The following KLHL13 variants were observed in gnomAD, a reference collection of about 807,000 sequenced individuals.
KLHL13 encodes kelch like family member 13, also known as kelch-like protein 13.
In KLHL13, 10 loss-of-function variants were observed where a neutral mutation model predicts 37.1. The ratio of observed to expected loss-of-function variants is 0.27; its 90% CI spans 0.17 to 0.46. The LOEUF (loss-of-function observed/expected upper bound fraction) is 0.46, where lower values mean the gene tolerates loss of function less well. KLHL13 is among the 20% of genes least tolerant of loss of function. KLHL13 has a pLI of 1.00. For synonymous variants in KLHL13, 163 were observed against 181.2 expected (o/e 0.90, Z 0.81); for missense variants, 360 against 509.3 (o/e 0.71, Z 2.82).
At chrX:118,107,291 G>A (rs936703760) in intron 1 of KLHL13, among the ~76,000 whole-genome samples, 1 of 111,901 alleles carries the variant, frequency 8.9e-6, no homozygotes, top group Non-Finnish European at 1.9e-5. Flanking sequence ...CCATATTTGA[G>A]TAAGTAATAA....
chrX:117,941,259 T>C (rs1933016188), intron 2 of KLHL13, among the ~76,000 whole-genome samples: 1 of 112,246 alleles, frequency 8.9e-6, no homozygotes, highest in South Asian at 3.7e-4. Flanking sequence ...ATCGAGGATT[T>C]TTGCATCTAT....
At chrX:117,973,389 T>C (rs1312358169) in exon 1 of KLHL13, 1 of 970,592 alleles carries the variant, frequency 1.0e-6, no homozygotes, top group Non-Finnish European at 1.3e-6. Flanking sequence ...AACCTCAGCA[T>C]AGCCTTAGGC....
At chrX:117,903,187 A>C (rs1321089682) in intron 5 of KLHL13, among the ~76,000 whole-genome samples, 1 of 98,684 alleles carries the variant, frequency 1.0e-5, no homozygotes, top group African/African-American at 4.2e-5. Flanking sequence ...AGCGAGAGAG[A>C]GAGAGAGAGA....
intron 1 of KLHL13, among the ~76,000 whole-genome samples, chrX:118,088,311 C>G (rs2055077526): frequency 9.0e-6 from 1 of 111,724 alleles, no homozygotes; most frequent in Non-Finnish European, 1.9e-5. Context: ...CACTAGTTAA[C>G]CGGTACTGCA....
intron 1 of KLHL13, among the ~76,000 whole-genome samples, chrX:117,962,058 A>ATAATAATAATAATAG (rs983567895): frequency 9.3e-6 from 1 of 107,144 alleles, no homozygotes; most frequent in Non-Finnish European, 1.9e-5. Context: ...AATAATAATA[A>ATAATAATAATAATAG]TAATAAGCTG....
At chrX:118,054,071 GAT>G (rs1394930968) in intron 1 of KLHL13, among the ~76,000 whole-genome samples, 1 of 111,166 alleles carries the variant, frequency 9.0e-6, no homozygotes, top group African/African-American at 3.3e-5. Context: ...ATTGAGTGAA[GAT>G]AAAAAACTGC....
chrX:117,988,715 C>G (rs1301193253), intron 1 of KLHL13, among the ~76,000 whole-genome samples: 3 of 111,841 alleles, frequency 2.7e-5, no homozygotes, highest in African/African-American at 9.7e-5. Flanking sequence ...GGCAGAAGGC[C>G]AAAGTCTCAT....
intron 6 of KLHL13, 129 bp from the exon 8 acceptor site, chrX:117,899,524 C>T (rs1929953602): frequency 1.5e-5 from 7 of 478,044 alleles, no homozygotes; most frequent in Non-Finnish European, 2.4e-5. Context: ...GTTCTTAGGA[C>T]TGTCTTCCCT....
At chrX:117,899,535 C>A in intron 6 of KLHL13, 140 bp from the exon 8 acceptor site, 2 of 426,708 alleles carry the variant, frequency 4.7e-6, no homozygotes, top group South Asian at 7.2e-5. Context: ...TGTCTTCCCT[C>A]TATAAATACA....
Position 117,955,446 on chromosome X carries a change from A to G in KLHL13, c.99-9871T>C, listed in dbSNP as rs1289989672. ...GAGTCCCAATGACTCTATGTATTCA[A>G]AGCCCGTAATAAATTTACCAAATCT... On this transcript the variant is annotated intron_variant, in intron 1 of 6. Coordinates refer to ENST00000262820, the Ensembl canonical transcript of KLHL13. Among the ~76,000 whole-genome samples, 10 of 112,176 alleles carry G rather than the reference A, an allele frequency of 8.9e-5. No homozygotes were observed. In the East Asian group the frequency reaches 2.8e-3, roughly 31 times the overall value.
intron 1 of KLHL13, among the ~76,000 whole-genome samples, chrX:117,987,371 C>A (rs960180309): frequency 9.0e-6 from 1 of 111,175 alleles, no homozygotes; most frequent in African/African-American, 3.3e-5. Flanking sequence ...CAAGGGTGAG[C>A]TTTAATAGGA....
chrX:117,945,658 C>A, intron 1 of KLHL13, 83 bp from the exon 3 acceptor site: 1 of 825,841 alleles, frequency 1.2e-6, no homozygotes, highest in South Asian at 2.5e-5. Flanking sequence ...AATAATCAGT[C>A]ACTATTGCAA....
At chrX:117,973,620 C>T (rs2053558896) in exon 1 of KLHL13, 12 of 872,800 alleles carry the variant, frequency 1.4e-5, no homozygotes, top group Non-Finnish European at 1.4e-5. Flanking sequence ...GCTCTCCTTT[C>T]CCTATTCTTA....
At chrX:117,993,383 T>C (rs2147950763) in intron 1 of KLHL13, among the ~76,000 whole-genome samples, 1 of 112,457 alleles carries the variant, frequency 8.9e-6, no homozygotes, top group Non-Finnish European at 1.9e-5. Context: ...ACTTACCATG[T>C]GCCAAGCAGT....
At chrX:117,999,286 A>T (rs1250421139) in intron 1 of KLHL13, among the ~76,000 whole-genome samples, 2 of 111,497 alleles carry the variant, frequency 1.8e-5, no homozygotes, top group Non-Finnish European at 3.8e-5. Context: ...AAGACTTGGA[A>T]CCAACCCAAA....
At chrX:118,038,225 A>C (rs1454552821) in intron 1 of KLHL13, among the ~76,000 whole-genome samples, 2 of 112,087 alleles carry the variant, frequency 1.8e-5, no homozygotes, top group African/African-American at 6.5e-5. Context: ...ATGTTACTCA[A>C]GTGAAGGCAA....
At chrX:117,903,122 T>A (rs1930210433) in intron 5 of KLHL13, among the ~76,000 whole-genome samples, 1 of 94,461 alleles carries the variant, frequency 1.1e-5, no homozygotes, top group African/African-American at 4.1e-5. Context: ...AAAAATAACA[T>A]GGTGACAGGC....
intron 1 of KLHL13, among the ~76,000 whole-genome samples, chrX:118,003,777 G>T (rs1219264048): frequency 1.8e-5 from 2 of 110,323 alleles, no homozygotes; most frequent in Non-Finnish European, 3.8e-5. Flanking sequence ...GGAAAAAGGT[G>T]GCAACAACTC....
intron 1 of KLHL13, among the ~76,000 whole-genome samples, chrX:117,958,731 A>G (rs1454282523): frequency 9.1e-6 from 1 of 110,333 alleles, no homozygotes; most frequent in Non-Finnish European, 1.9e-5. Flanking sequence ...ATAAAAAACA[A>G]TTACTTTCCA....
Sources: gnomAD v4.1 joint callset for allele counts (sites outside exome capture counted in the v4.1 genomes callset) on GRCh38, gnomAD v4.1.1 for gene constraint, MANE v1.5 for transcripts, NCBI Gene and HGNC (gene_info 2026-07-23, HGNC 2026-07-21) for gene names.